The following OSMR variants were observed in gnomAD, a reference collection of about 807,000 sequenced individuals.
The protein encoded by OSMR is oncostatin M receptor.
OSMR carries 81 observed loss-of-function variants against 99.9 expected under a neutral mutation model. That is an observed-to-expected ratio of 0.81 (90% CI 0.68 to 0.97). The LOEUF (loss-of-function observed/expected upper bound fraction) is 0.97. OSMR is among the 50% of genes least tolerant of loss of function. The pLI, the probability that OSMR is intolerant of heterozygous loss-of-function variation, is 0.00. For synonymous variants in OSMR, 406 were observed against 410.4 expected (o/e 0.99, Z 0.13); for missense variants, 1,099 against 1,153.4 (o/e 0.95, Z 0.68).
At chr5:38,886,225 C>T in intron 7 of OSMR, 35 bp downstream of exon 7, 2 of 1,613,948 alleles carry the variant, frequency 1.2e-6, no homozygotes, top group Non-Finnish European at 1.7e-6. Context: ...ACCGTGGCCA[C>T]TAACGTGTCT....
intron 5 of OSMR, among the ~76,000 whole-genome samples, chr5:38,884,698 A>C (rs571132418): frequency 1.6e-4 from 25 of 152,366 alleles, no homozygotes; most frequent in South Asian, 1.2e-3. Flanking sequence ...CTGTGCAGTA[A>C]ATTGGTTCCA....
At chr5:38,846,592 C>G (rs1739839561) in intron 1 of OSMR, among the ~76,000 whole-genome samples, 1 of 152,212 alleles carries the variant, frequency 6.6e-6, no homozygotes, top group Non-Finnish European at 1.5e-5. Flanking sequence ...CCTACCTCTC[C>G]TCTCGTAACC....
intron 1 of OSMR, chr5:38,944,177 G>A: frequency 1.9e-6 from 1 of 528,480 alleles, no homozygotes; most frequent in Non-Finnish European, 3.6e-6. Context: ...TGAGAAGAGT[G>A]GCATTATTTT....
At chr5:38,881,933 A>G (rs1255874941) in intron 4 of OSMR, among the ~76,000 whole-genome samples, 169 bp downstream of exon 4, 1 of 152,236 alleles carries the variant, frequency 6.6e-6, no homozygotes, top group Non-Finnish European at 1.5e-5. Context: ...TTGGCACTGG[A>G]AGATATAGTC....
At chr5:38,867,363 T>C (rs897182518) in intron 1 of OSMR, among the ~76,000 whole-genome samples, 5 of 152,216 alleles carry the variant, frequency 3.3e-5, no homozygotes, top group African/African-American at 1.2e-4. Context: ...TGTAAAATAT[T>C]ATTTTTTAAA....
chr5:38,890,998 G>T lies in OSMR; in HGVS notation c.991+4808G>T, dbSNP rs114647858. On this transcript the variant is annotated intron_variant, in intron 7 of 17. Coordinates refer to ENST00000274276, the MANE Select transcript of OSMR (RefSeq NM_003999.3). Reference sequence around the variant, plus strand: ...AGACCAAATGAATCCTATAAATCCTGTCAGGGAATGACAGGGATTTAGACC... The same window carrying T: ...AGACCAAATGAATCCTATAAATCCTTTCAGGGAATGACAGGGATTTAGACC... Among the ~76,000 whole-genome samples, 797 of 152,288 alleles carry T rather than the reference G, an allele frequency of 5.2e-3. 3 individuals are homozygous for T. Among genetic ancestry groups the T allele is most frequent in the Non-Finnish European group, 9.4e-3 (639 of 68,026 alleles).
intron 7 of OSMR, among the ~76,000 whole-genome samples, chr5:38,897,874 G>A (rs1216643841): frequency 6.6e-6 from 1 of 151,894 alleles, no homozygotes; most frequent in South Asian, 2.1e-4. Flanking sequence ...TCTTGATTTG[G>A]GAGCATATCG....
chr5:38,876,150 C>G (rs1225516542), intron 2 of OSMR, 51 bp from the exon 3 acceptor site: 3 of 1,585,664 alleles, frequency 1.9e-6, no homozygotes, highest in South Asian at 2.2e-5. Flanking sequence ...TCTGACTCTT[C>G]AATCATGCTC....
intron 14 of OSMR, among the ~76,000 whole-genome samples, chr5:38,924,814 T>C (rs168568): frequency 0.25 from 38,132 of 151,880 alleles, 5,214 homozygotes; most frequent in African/African-American, 0.36. Context: ...GACTTGGTAT[T>C]TTTAGAAGCA....
chr5:38,853,854 T>A (rs1241809567), intron 1 of OSMR, among the ~76,000 whole-genome samples: 1 of 152,120 alleles, frequency 6.6e-6, no homozygotes, highest in Non-Finnish European at 1.5e-5. Context: ...GTGGACAGGT[T>A]CAAGAGGTGG....
At chr5:38,896,244 G>A (rs1744512424) in intron 7 of OSMR, among the ~76,000 whole-genome samples, 1 of 152,000 alleles carries the variant, frequency 6.6e-6, no homozygotes, top group Admixed American at 6.5e-5. Context: ...TGAGTAGAAT[G>A]GACATTTTAA....
intron 3 of OSMR, among the ~76,000 whole-genome samples, chr5:38,877,783 A>G (rs923831984): frequency 6.6e-6 from 1 of 152,144 alleles, no homozygotes; most frequent in African/African-American, 2.4e-5. Context: ...CCAAAAGACA[A>G]CTCATATCTA....
At chr5:38,923,526 C>T (rs1746331135) in intron 13 of OSMR, among the ~76,000 whole-genome samples, 1 of 152,090 alleles carries the variant, frequency 6.6e-6, no homozygotes, top group South Asian at 2.1e-4. Flanking sequence ...TGTCCAAATC[C>T]ATAATAATGG....
At chr5:38,889,390 C>T (rs1408877287) in intron 7 of OSMR, among the ~76,000 whole-genome samples, 4 of 151,942 alleles carry the variant, frequency 2.6e-5, no homozygotes, top group African/African-American at 7.2e-5. Flanking sequence ...AATTTTTTCT[C>T]CCTTTACCTC....
chr5:38,930,015 C>T (rs976073588), intron 15 of OSMR, among the ~76,000 whole-genome samples: 1 of 152,212 alleles, frequency 6.6e-6, no homozygotes, highest in Non-Finnish European at 1.5e-5. Context: ...CATACTCTCC[C>T]TTACAGCCCA....
At position 38,879,483 on chromosome 5, in the gene OSMR, G is replaced by T. The variant is rs1743094111; in HGVS notation, c.247-2110G>T. Among the ~76,000 whole-genome samples the T allele has an allele frequency of 2.0e-5, 3 of 152,296 alleles. No individual in the cohort carries two copies. The South Asian group carries it at 6.2e-4, about 32-fold the overall frequency. ...AGGGTTCAGCCAAAGCGGAGATGCGGGTAAGAGAAGTGGCTGCATTTAAGG... is the reference window on the plus strand; with the variant it reads ...AGGGTTCAGCCAAAGCGGAGATGCGTGTAAGAGAAGTGGCTGCATTTAAGG... On this transcript the variant is annotated intron_variant, in intron 3 of 17. Coordinates refer to ENST00000274276, the MANE Select transcript of OSMR (RefSeq NM_003999.3).
Position 38,917,613 on chromosome 5 carries a change from A to G in OSMR, c.1353A>G (p.Leu451=), listed in dbSNP as rs1398928567. The stretch of plus-strand genomic sequence containing the variant: ...AGCCAGGAAATCATACTGTGACCTT[A>G]TTCTGGAAGGTAAGATGTGCAGATT... ...SLEPGNHTVT[L]FWKPLSKLHA... The change falls in exon 10 of 18, where the codon TTA becomes TTG. Residue 451 remains leucine, a synonymous_variant. Coordinates refer to ENST00000274276, the MANE Select transcript of OSMR (RefSeq NM_003999.3). The G allele has an allele frequency of 6.2e-7, 1 of 1,611,684 alleles. No homozygotes were observed. The highest frequency in any genetic ancestry group is 8.5e-7 in the Non-Finnish European group (1 of 1,177,828).
intron 7 of OSMR, among the ~76,000 whole-genome samples, chr5:38,893,376 A>G (rs189196059): frequency 7.0e-4 from 106 of 152,380 alleles, no homozygotes; most frequent in Non-Finnish European, 1.3e-3. Context: ...AATTTAAGGC[A>G]TCAATTGTAA....
intron 7 of OSMR, among the ~76,000 whole-genome samples, chr5:38,901,132 C>T (rs1046017717): frequency 6.6e-6 from 1 of 152,158 alleles, no homozygotes; most frequent in Non-Finnish European, 1.5e-5. Context: ...GTAGTTTAGC[C>T]TATTGGATAG....
Sources: allele counts gnomAD v4.1 joint callset (sites outside exome capture counted in the v4.1 genomes callset), GRCh38; gene constraint gnomAD v4.1.1; transcripts MANE v1.5; gene names NCBI Gene and HGNC (gene_info 2026-07-23, HGNC 2026-07-21).